Variants in ARHGAP15 observed in about 807,000 individuals in gnomAD.
The protein encoded by ARHGAP15 is Rho GTPase activating protein 15, also known as rho GTPase-activating protein 15.
Under a neutral mutation model 63.7 loss-of-function variants are expected in ARHGAP15, and 51 were observed. That is an observed-to-expected ratio of 0.80 (90% CI 0.64 to 1.01). The LOEUF (loss-of-function observed/expected upper bound fraction) is 1.01. Ranked by LOEUF, ARHGAP15 falls within the 50% of genes least tolerant of loss-of-function variation. The probability of loss-of-function intolerance (pLI) is 0.00; values close to 1 mark genes in which losing one functional copy is unlikely to be tolerated. For synonymous variants in ARHGAP15, 191 were observed against 193.8 expected (o/e 0.99, Z 0.12); for missense variants, 560 against 564.6 (o/e 0.99, Z 0.08).
intron 11 of ARHGAP15, among the ~76,000 whole-genome samples, chr2:143,616,445 A>C (rs183130504): frequency 6.6e-6 from 1 of 152,216 alleles, no homozygotes; most frequent in African/African-American, 2.4e-5. Flanking sequence ...ATTTCATATG[A>C]GCCTGTGACA....
At chr2:143,257,243 C>A (rs1286111714) in intron 6 of ARHGAP15, among the ~76,000 whole-genome samples, 1 of 152,022 alleles carries the variant, frequency 6.6e-6, no homozygotes, top group Non-Finnish European at 1.5e-5. Flanking sequence ...TAGATTCATT[C>A]TTTTTGAACT....
chr2:143,640,720 A>T (rs1443830574), intron 12 of ARHGAP15: 1 of 152,160 alleles, frequency 6.6e-6, no homozygotes, highest in Non-Finnish European at 1.5e-5. Context: ...AATTACTGTC[A>T]TGAATATTAA....
chr2:143,312,002 A>G (rs144259660), intron 6 of ARHGAP15, among the ~76,000 whole-genome samples: 1 of 152,130 alleles, frequency 6.6e-6, no homozygotes, highest in African/African-American at 2.4e-5. Context: ...ACTGCCATAC[A>G]TGATTACACA....
intron 13 of ARHGAP15, among the ~76,000 whole-genome samples, chr2:143,753,861 C>T (rs1194436791): frequency 2.0e-5 from 3 of 152,048 alleles, no homozygotes; most frequent in East Asian, 1.9e-4. Flanking sequence ...ATAATATATG[C>T]GAAGGAAAGA....
intron 13 of ARHGAP15, among the ~76,000 whole-genome samples, chr2:143,730,990 A>G (rs893521324): frequency 7.7e-6 from 1 of 129,080 alleles, no homozygotes; most frequent in Non-Finnish European, 1.6e-5. Context: ...TGGGAGTTTA[A>G]CCAGAGACAT....
intron 2 of ARHGAP15, among the ~76,000 whole-genome samples, chr2:143,187,613 G>A (rs1373422212): frequency 6.6e-6 from 1 of 152,162 alleles, no homozygotes; most frequent in Non-Finnish European, 1.5e-5. Flanking sequence ...GACGTTAAAC[G>A]AATTGCCCTA....
intron 6 of ARHGAP15, among the ~76,000 whole-genome samples, chr2:143,359,212 C>CA (rs1418073833): frequency 6.6e-6 from 1 of 152,056 alleles, no homozygotes; most frequent in Non-Finnish European, 1.5e-5. Flanking sequence ...TTAGGCAATA[C>CA]TTTTTTCTTG....
At chr2:143,177,078 T>C (rs1395713178) in intron 2 of ARHGAP15, among the ~76,000 whole-genome samples, 1 of 152,202 alleles carries the variant, frequency 6.6e-6, no homozygotes, top group Admixed American at 6.5e-5. Context: ...CTGCCATATC[T>C]AAGGGAAAGG....
At chr2:143,403,085 T>C (rs1467903455) in intron 6 of ARHGAP15, among the ~76,000 whole-genome samples, 1 of 151,918 alleles carries the variant, frequency 6.6e-6, no homozygotes, top group East Asian at 1.9e-4. Context: ...AACAAAGGAA[T>C]ATCAATCCAT....
intron 6 of ARHGAP15, among the ~76,000 whole-genome samples, chr2:143,332,915 A>G (rs376110404): frequency 6.7e-6 from 1 of 149,936 alleles, no homozygotes; most frequent in African/African-American, 2.5e-5. Flanking sequence ...ACCTTGGAAT[A>G]TTTCCAGTTA....
At chr2:143,370,785 G>A (rs954100885) in intron 6 of ARHGAP15, among the ~76,000 whole-genome samples, 1 of 152,296 alleles carries the variant, frequency 6.6e-6, no homozygotes, top group East Asian at 1.9e-4. Context: ...CAGTGGTGAT[G>A]TGTGGTATTT....
At chr2:143,711,580 G>C (rs991275805) in intron 13 of ARHGAP15, among the ~76,000 whole-genome samples, 1 of 152,162 alleles carries the variant, frequency 6.6e-6, no homozygotes, top group African/African-American at 2.4e-5. Context: ...AGCCTCTAAC[G>C]TTGTAAACAA....
At chr2:143,653,657 A>C (rs764660950) in intron 12 of ARHGAP15, among the ~76,000 whole-genome samples, 17 of 152,178 alleles carry the variant, frequency 1.1e-4, no homozygotes, top group Non-Finnish European at 2.1e-4. Flanking sequence ...AAGAAACATG[A>C]AATAAAAGAG....
chr2:143,722,525 A>G (rs982470282), intron 13 of ARHGAP15, among the ~76,000 whole-genome samples: 3 of 152,170 alleles, frequency 2.0e-5, no homozygotes, highest in Non-Finnish European at 4.4e-5. Context: ...TATACGCAGG[A>G]AAGTGGAGAA....
At chr2:143,370,320 G>A (rs1686490882) in intron 6 of ARHGAP15, among the ~76,000 whole-genome samples, 1 of 152,006 alleles carries the variant, frequency 6.6e-6, no homozygotes, top group Non-Finnish European at 1.5e-5. Context: ...TAGTACTGAG[G>A]GGGAATATCA....
chr2:143,315,110 C>T (rs557489334), intron 6 of ARHGAP15, among the ~76,000 whole-genome samples: 1 of 152,266 alleles, frequency 6.6e-6, no homozygotes, highest in South Asian at 2.1e-4. Context: ...ACAATGAGTT[C>T]TTGCAGCAAC....
chr2:143,403,539 GA>G (rs760052260), intron 6 of ARHGAP15, among the ~76,000 whole-genome samples: 6 of 149,720 alleles, frequency 4.0e-5, no homozygotes, highest in South Asian at 2.1e-4. Flanking sequence ...GATCAAATTA[GA>G]AAAAAAAATA....
At chr2:143,703,847 G>A (rs76955201) in intron 13 of ARHGAP15, 4,043 of 192,134 alleles carry the variant, frequency 0.021, 67 homozygotes, top group Non-Finnish European at 0.032. Context: ...AACATGAAAT[G>A]ATTCAGACAT....
At chr2:143,508,478 C>A (rs544785286) in intron 9 of ARHGAP15, among the ~76,000 whole-genome samples, 1 of 152,296 alleles carries the variant, frequency 6.6e-6, no homozygotes, top group East Asian at 1.9e-4. Context: ...AGAGAGTGTT[C>A]TTTTCACTAC....
Sources: allele counts gnomAD v4.1 joint callset (sites outside exome capture counted in the v4.1 genomes callset), GRCh38; gene constraint gnomAD v4.1.1; transcripts MANE v1.5; gene names NCBI Gene and HGNC (gene_info 2026-07-23, HGNC 2026-07-21).